ANK2: variants seen among roughly 807,000 people sequenced by gnomAD.
The protein encoded by ANK2 is ankyrin-2.
A neutral mutation model predicts 360.5 loss-of-function variants in ANK2; 83 were observed. The observed-to-expected ratio is 0.23, with a 90% CI of 0.19 to 0.28. ANK2 has a LOEUF of 0.28. Among genes scored for constraint, ANK2 ranks in the 10% least tolerant of loss-of-function variants. The pLI, the probability that ANK2 is intolerant of heterozygous loss-of-function variation, is 1.00. For synonymous variants in ANK2, 1,740 were observed against 1,759.5 expected (o/e 0.99, Z 0.28); for missense variants, 4,201 against 4,795.7 (o/e 0.88, Z 3.66).
intron 9 of ANK2, among the ~76,000 whole-genome samples, chr4:113,243,305 T>C (rs915923076): frequency 1.3e-5 from 2 of 152,240 alleles, no homozygotes; most frequent in African/African-American, 2.4e-5. Context: ...TGAGACTTCA[T>C]GTTTTCATAG....
chr4:112,840,629 G>C (rs2061891073), intron 1 of ANK2, among the ~76,000 whole-genome samples: 1 of 152,178 alleles, frequency 6.6e-6, no homozygotes, highest in Non-Finnish European at 1.5e-5. Context: ...TTCATTTAGG[G>C]ACGGAAAAAT....
At chr4:113,286,283 T>G (rs72900032) in intron 18 of ANK2, among the ~76,000 whole-genome samples, 18,104 of 152,216 alleles carry the variant, frequency 0.12, 1,125 homozygotes, top group African/African-American at 0.13. Context: ...AAATAATATT[T>G]GTTTAGAAGT....
intron 1 of ANK2, chr4:113,117,266 G>T: frequency 2.2e-6 from 1 of 455,654 alleles, no homozygotes; most frequent in Non-Finnish European, 4.4e-6. Context: ...CTCTGCTACT[G>T]CTTCTGCTGA....
chr4:113,010,661 A>G (rs902249366), intron 2 of ANK2, among the ~76,000 whole-genome samples: 1 of 152,138 alleles, frequency 6.6e-6, no homozygotes, highest in Non-Finnish European at 1.5e-5. Context: ...GAGAGCCTAA[A>G]GAGGAGTCCT....
intron 38 of ANK2, among the ~76,000 whole-genome samples, chr4:113,360,152 G>T (rs556561906): frequency 3.3e-4 from 51 of 152,286 alleles, no homozygotes; most frequent in Admixed American, 1.1e-3. Context: ...AGTTAAACAT[G>T]AATGGGAAAA....
At chr4:112,708,149 G>A in the ANK2 span, among the ~76,000 whole-genome samples, 2 of 152,216 alleles carry the variant, frequency 1.3e-5, no homozygotes, top group South Asian at 4.1e-4. Context: ...TAGAAAAACG[G>A]AAGGGAAAAC....
At chr4:112,740,755 C>T in the ANK2 span, among the ~76,000 whole-genome samples, 8 of 151,726 alleles carry the variant, frequency 5.3e-5, no homozygotes, top group African/African-American at 1.5e-4. Context: ...GGCTTACGTC[C>T]GTAATCCCAG....
chr4:112,733,476 G>A, the ANK2 span, among the ~76,000 whole-genome samples: 1 of 152,092 alleles, frequency 6.6e-6, no homozygotes, highest in South Asian at 2.1e-4. Context: ...TTTTACTCTA[G>A]TTATTTCATA....
At position 113,359,244 on chromosome 4, in the gene ANK2, T is replaced by C; in HGVS notation, c.10626T>C (p.Ser3542=). 1.2e-6 allele frequency: 2 copies of C among 1,613,962 alleles called. No individual in the cohort carries two copies. The highest frequency in any genetic ancestry group is 2.2e-5 in the East Asian group (1 of 44,880). ...IFDTRPIWDE[S]IETLIERIPD... is the part of the protein sequence containing the mutation. ...ACACAAGGCCCATTTGGGATGAGTC[T>C]ATTGAGACTCTGATTGAACGCATCC... Residue 3542 remains serine, a synonymous_variant, in exon 38 of 46, where the codon TCT becomes TCC. Transcript: ENST00000357077.
At chr4:113,153,718 A>T (rs567331486) in intron 1 of ANK2, among the ~76,000 whole-genome samples, 2 of 152,320 alleles carry the variant, frequency 1.3e-5, no homozygotes, top group South Asian at 4.1e-4. Flanking sequence ...TTAATCCTTT[A>T]TGTCAGCGCC....
chr4:112,890,932 A>T (rs2079850011), intron 1 of ANK2, among the ~76,000 whole-genome samples: 1 of 152,172 alleles, frequency 6.6e-6, no homozygotes, highest in African/African-American at 2.4e-5. Context: ...AATCCTTCTA[A>T]GAACTCCTTT....
At chr4:112,749,162 A>C in the ANK2 span, among the ~76,000 whole-genome samples, 1 of 151,932 alleles carries the variant, frequency 6.6e-6, no homozygotes, top group African/African-American at 2.4e-5. Flanking sequence ...GGCCTCCCAC[A>C]GTGCTGGGAT....
intron 1 of ANK2, among the ~76,000 whole-genome samples, chr4:112,855,095 A>G (rs572875162): frequency 6.6e-6 from 1 of 152,330 alleles, no homozygotes; most frequent in East Asian, 1.9e-4. Context: ...TGCACTGTTA[A>G]TAGGAGTATT....
At chr4:112,759,166 C>T in the ANK2 span, among the ~76,000 whole-genome samples, 2 of 152,028 alleles carry the variant, frequency 1.3e-5, no homozygotes, top group Non-Finnish European at 2.9e-5. Context: ...GACAGGGTCT[C>T]GCTCTGTCAC....
At chr4:112,867,731 T>C (rs1321901463) in intron 1 of ANK2, among the ~76,000 whole-genome samples, 4 of 152,148 alleles carry the variant, frequency 2.6e-5, no homozygotes, top group Non-Finnish European at 5.9e-5. Context: ...TCATGTATTA[T>C]TATTTCATTT....
rs551347245 is a variant in ANK2, at chr4:113,110,207, G to C, written c.84+60395G>C. On this transcript the variant is annotated intron_variant, in intron 1 of 45. Coordinates refer to ENST00000357077, the MANE Select transcript of ANK2 (RefSeq NM_001148.6). The stretch of plus-strand genomic sequence containing the variant: ...GCACATCTTACCTGGCCGCAGGCAA[G>C]AGAGTGTGTGCAGGGGAACTGCCCT... Among the ~76,000 whole-genome samples, 5 of 152,312 alleles carry C rather than the reference G, an allele frequency of 3.3e-5. No individual in the cohort carries two copies. The East Asian group carries it at 7.7e-4, about 24-fold the overall frequency.
intron 14 of ANK2, among the ~76,000 whole-genome samples, chr4:113,270,286 T>C (rs1231336677): frequency 6.6e-6 from 1 of 152,322 alleles, no homozygotes; most frequent in East Asian, 1.9e-4. Context: ...TGGAAATTTA[T>C]TCATTTTCAT....
At chr4:112,799,809 C>A in the ANK2 span, among the ~76,000 whole-genome samples, 6 of 144,910 alleles carry the variant, frequency 4.1e-5, no homozygotes, top group East Asian at 8.4e-4. Flanking sequence ...TGAGCCACCG[C>A]GCCCAGCCCA....
chr4:112,766,577 T>C, the ANK2 span, among the ~76,000 whole-genome samples: 4 of 152,176 alleles, frequency 2.6e-5, no homozygotes, highest in Admixed American at 2.6e-4. Context: ...TTTGACTTTC[T>C]ACTCTGGGTA....
Sources: allele counts gnomAD v4.1 joint callset (sites outside exome capture counted in the v4.1 genomes callset), GRCh38; gene constraint gnomAD v4.1.1; transcripts MANE v1.5; gene names NCBI Gene and HGNC (gene_info 2026-07-23, HGNC 2026-07-21).